BRD4: variants seen among roughly 807,000 people sequenced by gnomAD.
The protein encoded by BRD4 is bromodomain-containing protein 4.
Under a neutral mutation model 142.1 loss-of-function variants are expected in BRD4, and 16 were observed. That is an observed-to-expected ratio of 0.11 (90% CI 0.08 to 0.17). The LOEUF (loss-of-function observed/expected upper bound fraction) is 0.17, where lower values mean the gene tolerates loss of function less well. Among genes scored for constraint, BRD4 ranks in the 10% least tolerant of loss-of-function variants. The pLI is 1.00. For missense variants in BRD4, 1,424 were observed against 1,810.9 expected (o/e 0.79, Z 3.88); for synonymous variants, 833 against 707.5 (o/e 1.18, Z -2.82).
At chr19:15,286,689 G>A (rs962966971) in intron 1 of BRD4, among the ~76,000 whole-genome samples, 1 of 152,158 alleles carries the variant, frequency 6.6e-6, no homozygotes, top group Non-Finnish European at 1.5e-5. Flanking sequence ...TCTGTATTTA[G>A]ATTCCATAAA....
chr19:15,309,683 T>C (rs2047949542), intron 1 of BRD4, among the ~76,000 whole-genome samples: 1 of 152,154 alleles, frequency 6.6e-6, no homozygotes, highest in African/African-American at 2.4e-5. Context: ...GATGAACGGA[T>C]AGTGTCATTT....
chr19:15,235,695 G>A lies in BRD4; in HGVS notation c.*2682C>T, dbSNP rs2047187612. On this transcript the variant is annotated 3_prime_UTR_variant, in exon 20 of 20. Coordinates refer to ENST00000679869, the MANE Select transcript of BRD4 (RefSeq NM_001379291.1). ...ATTGGCCAAGCGATCCGTGCATACA[G>A]TACAGTGGGGGCTTGTACACACCTC... The A allele has an allele frequency of 6.6e-6, 1 of 152,194 alleles. No homozygotes were observed. 9.4% of individuals were successfully genotyped at this position (152,194 alleles called of 1,614,324 possible).
rs775997972 is a variant in BRD4 at position 15,253,540 on chromosome 19, G to A, written c.2158+612C>T. 10 of 1,544,618 alleles carry A rather than the reference G, an allele frequency of 6.5e-6. No homozygotes were observed. The South Asian group carries it at 1.2e-4, about 18-fold the overall frequency. Reference sequence around the variant, plus strand: ...GAGGGACACGCAAGTCCAGGTGCGTGTGGAGTTAGGGCAGATTCAGGAGCA... The same window carrying A: ...GAGGGACACGCAAGTCCAGGTGCGTATGGAGTTAGGGCAGATTCAGGAGCA... On this transcript the variant is annotated intron_variant, in intron 11 of 19. Transcript: ENST00000679869.
chr19:15,240,053 G>A (rs1354975015), intron 14 of BRD4, 31 bp from the exon 15 acceptor site: 4 of 1,588,368 alleles, frequency 2.5e-6, no homozygotes, highest in Admixed American at 3.4e-5. Flanking sequence ...TGTGTCAAGG[G>A]GCTGGCTTAG....
At position 15,238,771 on chromosome 19, in the gene BRD4, C is replaced by A; in HGVS notation, c.3992G>T (p.Arg1331Leu). 1 of 1,570,006 alleles carries A rather than the reference C, an allele frequency of 6.4e-7. No individual in the cohort carries two copies. The highest frequency in any genetic ancestry group is 1.2e-5 in the South Asian group (1 of 86,518). Residue 1331 changes from arginine (R) to leucine (L), a missense_variant, in exon 19 of 20, where the codon CGG (arginine) becomes CTG (leucine). Physicochemically the swap from Arg to Leu is moderately radical, Grantham distance 102 (BLOSUM62 -2). Around this residue, in one of 16 missense-constraint regions of BRD4, gnomAD observed 14 missense variants for 49.5 expected, o/e 0.28. Transcript: ENST00000679869. The surrounding 1 kb of genome is among the most constrained non-coding windows in gnomAD (Gnocchi z 7.2). ...TTCCCGGCGTCTTCGCTCCTGCTCC[C>A]GCTTCCGGGCCAACTCCCTCTGCTG... ...LDQQRELARKREQERRRREAM... is the reference protein window; with the variant it reads ...LDQQRELARKLEQERRRREAM...
At chr19:15,301,319 T>C (rs976014335) in intron 1 of BRD4, among the ~76,000 whole-genome samples, 2 of 152,126 alleles carry the variant, frequency 1.3e-5, no homozygotes, top group Non-Finnish European at 2.9e-5. Context: ...TCCCAGCACT[T>C]TGGGAGGCCA....
intron 1 of BRD4, among the ~76,000 whole-genome samples, chr19:15,299,036 G>A (rs146938023): frequency 1.3e-5 from 2 of 152,316 alleles, no homozygotes; most frequent in East Asian, 3.9e-4. Context: ...AACACTTGCA[G>A]TAAGTGGGCA....
intron 1 of BRD4, chr19:15,280,308 C>T: frequency 9.9e-7 from 1 of 1,011,640 alleles, no homozygotes; most frequent in Middle Eastern, 4.8e-4. Context: ...CCCAGTCATC[C>T]TACACGGGTC....
chr19:15,253,597 G>A, intron 11 of BRD4: 2 of 1,591,462 alleles, frequency 1.3e-6, no homozygotes, highest in Non-Finnish European at 1.7e-6. Context: ...CTCTGGGGAG[G>A]GGTAGGCAAT....
chr19:15,314,142 C>T (rs2047997181), intron 1 of BRD4, among the ~76,000 whole-genome samples: 1 of 152,216 alleles, frequency 6.6e-6, no homozygotes. Context: ...CTTTCGTTCG[C>T]ACTTCACATT....
chr19:15,312,580 C>G (rs181253122), intron 1 of BRD4, among the ~76,000 whole-genome samples: 87 of 151,622 alleles, frequency 5.7e-4, no homozygotes, highest in African/African-American at 2.1e-3. Flanking sequence ...TGCAGTGAGC[C>G]GAGATCGCAC....
At chr19:15,277,311 G>A (rs1045002381) in intron 1 of BRD4, among the ~76,000 whole-genome samples, 1 of 152,152 alleles carries the variant, frequency 6.6e-6, no homozygotes, top group Non-Finnish European at 1.5e-5. Flanking sequence ...GATGAAGCAA[G>A]GTTAGACAAT....
At chr19:15,240,519 T>C (rs1343452447) in intron 14 of BRD4, among the ~76,000 whole-genome samples, 1 of 152,042 alleles carries the variant, frequency 6.6e-6, no homozygotes, top group Non-Finnish European at 1.5e-5. Context: ...CTCAGGACCC[T>C]CCCCACAGTC....
At chr19:15,293,343 G>C (rs962658573) in intron 1 of BRD4, among the ~76,000 whole-genome samples, 1 of 152,144 alleles carries the variant, frequency 6.6e-6, no homozygotes, top group African/African-American at 2.4e-5. Flanking sequence ...ACCGGGTAAG[G>C]CCACTGGCAG....
Position 15,239,315 on chromosome 19 carries a change from G to A in BRD4, c.3577-51C>T, listed in dbSNP as rs748982689. 3 of 1,613,968 alleles carry A rather than the reference G, an allele frequency of 1.9e-6. No individual in the cohort carries two copies. The highest frequency in any genetic ancestry group is 2.5e-6 in the Non-Finnish European group (3 of 1,180,000). ...GTGAGGGGTCTGCTGTGCCTAAAGG[G>A]CATAGCTGGGGGTGTGCCCAGCATG... On this transcript the variant is annotated intron_variant, in intron 17 of 19. Transcript: ENST00000679869. This position sits in a 1 kb window ranked among gnomAD's most constrained non-coding sequence, Gnocchi z 7.4.
chr19:15,287,475 G>A (rs1011845385), intron 1 of BRD4, among the ~76,000 whole-genome samples: 1 of 152,052 alleles, frequency 6.6e-6, no homozygotes, highest in African/African-American at 2.4e-5. Context: ...AAACTCCTGG[G>A]CTCAAGCAAT....
intron 1 of BRD4, among the ~76,000 whole-genome samples, chr19:15,319,209 C>G (rs1387390073): frequency 6.6e-6 from 1 of 152,060 alleles, no homozygotes; most frequent in African/African-American, 2.4e-5. Flanking sequence ...GTGCCTCACA[C>G]CTGTAATCTC....
At chr19:15,311,481 T>C (rs191331528) in intron 1 of BRD4, among the ~76,000 whole-genome samples, 3 of 151,944 alleles carry the variant, frequency 2.0e-5, no homozygotes, top group East Asian at 2.0e-4. Flanking sequence ...AGTAAGCCAG[T>C]AACAAAATTC....
rs549462035 is a variant in BRD4 at position 15,324,332 on chromosome 19, A to G, written c.-35+7958T>C. On this transcript the variant is annotated intron_variant, in intron 1 of 19. Coordinates refer to ENST00000679869, the MANE Select transcript of BRD4 (RefSeq NM_001379291.1). ...TGCTTAGATTATGTGACCAACCTCT[A>G]AAGAAAATATATCTTTCAATTGCAT... Among the ~76,000 whole-genome samples the G allele has an allele frequency of 3.3e-5, 5 of 152,362 alleles. No homozygotes were observed. In the East Asian group the frequency reaches 7.7e-4, roughly 23 times the overall value.
Sources: gnomAD v4.1 joint callset for allele counts (sites outside exome capture counted in the v4.1 genomes callset) on GRCh38, gnomAD v4.1.1 for gene constraint, gnomAD v4.1.1 regional missense constraint, Gnocchi (gnomAD v3.1) non-coding constraint, MANE v1.5 for transcripts, NCBI Gene and HGNC (gene_info 2026-07-23, HGNC 2026-07-21) for gene names.